The following ZW10 variants were observed in gnomAD, a reference collection of about 807,000 sequenced individuals.
ZW10 encodes centromere/kinetochore protein zw10 homolog.
Under a neutral mutation model 87.8 loss-of-function variants are expected in ZW10, and 53 were observed. The ratio of observed to expected loss-of-function variants is 0.60; its 90% confidence interval spans 0.48 to 0.76. The LOEUF (loss-of-function observed/expected upper bound fraction) is 0.76. ZW10 is among the 30% of genes least tolerant of loss of function. ZW10 has a pLI of 0.00. For missense variants in ZW10, 837 were observed against 923.0 expected (o/e 0.91, Z 1.21); for synonymous variants, 312 against 329.2 (o/e 0.95, Z 0.57).
At chr11:113,751,561 T>A (rs1028510979) in intron 7 of ZW10, among the ~76,000 whole-genome samples, 5 of 152,082 alleles carry the variant, frequency 3.3e-5, no homozygotes, top group African/African-American at 7.2e-5. Context: ...GGGAAAAAAA[T>A]TCAGATTTAT....
intron 7 of ZW10, among the ~76,000 whole-genome samples, chr11:113,755,930 C>T (rs2134885142): frequency 6.6e-6 from 1 of 152,230 alleles, no homozygotes; most frequent in South Asian, 2.1e-4. Context: ...ACTTTTTAGA[C>T]ATAATGCTAT....
intron 7 of ZW10, among the ~76,000 whole-genome samples, chr11:113,752,374 T>C (rs1204889294): frequency 6.6e-6 from 1 of 152,150 alleles, no homozygotes; most frequent in African/African-American, 2.4e-5. Context: ...TAGCCCCCAA[T>C]GTGACTAGAT....
chr11:113,737,519 A>C, intron 14 of ZW10, 53 bp downstream of exon 14: 1 of 1,470,120 alleles, frequency 6.8e-7, no homozygotes, highest in Non-Finnish European at 9.1e-7. Flanking sequence ...CAAAGTCACA[A>C]TCTGGGACAT....
At position 113,733,809 on chromosome 11, in the gene ZW10, G is replaced by C; in HGVS notation, c.2225C>G (p.Ala742Gly). The change falls in exon 16 of 16, where the codon GCA becomes GGA. Residue 742 changes from alanine to glycine, a missense_variant. By Grantham distance (60) the Ala-to-Gly change is moderately conservative. Transcript: ENST00000200135. ...ASLQEIGDRW[A>G]DGKGPLAAAF... is the part of the protein sequence containing the mutation. ...AGCTGCCAGGGGTCCTTTTCCATCT[G>C]CCCACCTGCAAAACGAAAGATAGAG... 1 of 1,598,784 alleles carries C rather than the reference G, an allele frequency of 6.3e-7. No homozygotes were observed. Among genetic ancestry groups the C allele is most frequent in the Non-Finnish European group, 8.5e-7 (1 of 1,172,278 alleles).
intron 1 of ZW10, chr11:113,769,876 G>A: frequency 3.0e-6 from 1 of 328,230 alleles, no homozygotes; most frequent in Non-Finnish European, 5.9e-6. Flanking sequence ...AGCTGATGAT[G>A]TGCCCATCCA....
At chr11:113,757,964 T>C in intron 6 of ZW10, 111 bp from the exon 7 acceptor site, 6 of 820,852 alleles carry the variant, frequency 7.3e-6, no homozygotes, top group Non-Finnish European at 8.8e-6. Flanking sequence ...GGCAGGTGGA[T>C]CATCTGAGGC....
At chr11:113,760,417 C>A in intron 4 of ZW10, 49 bp from the exon 5 acceptor site, 1 of 1,606,236 alleles carries the variant, frequency 6.2e-7, no homozygotes, top group Non-Finnish European at 8.5e-7. Context: ...GGACTCAGGG[C>A]AATTAGAATA....
At chr11:113,754,668 C>T (rs1431404452) in intron 7 of ZW10, among the ~76,000 whole-genome samples, 1 of 152,082 alleles carries the variant, frequency 6.6e-6, no homozygotes, top group Non-Finnish European at 1.5e-5. Flanking sequence ...AGTGCAGTAA[C>T]GTGAACACAG....
intron 2 of ZW10, among the ~76,000 whole-genome samples, chr11:113,762,885 TTG>T (rs550200631): frequency 1.3e-5 from 2 of 152,170 alleles, no homozygotes; most frequent in Non-Finnish European, 2.9e-5. Flanking sequence ...GAAAAGTATT[TTG>T]TGTGTGTTTT....
chr11:113,754,452 T>A (rs1338825935), intron 7 of ZW10, among the ~76,000 whole-genome samples: 2 of 151,796 alleles, frequency 1.3e-5, no homozygotes, highest in Admixed American at 1.3e-4. Context: ...GCCACTATAC[T>A]CCAGCCTGGG....
At chr11:113,738,152 A>G in intron 13 of ZW10, 112 bp downstream of exon 13, 1 of 1,211,998 alleles carries the variant, frequency 8.3e-7, no homozygotes, top group Non-Finnish European at 1.1e-6. Context: ...GTGGGGGTGC[A>G]GGGAATCAAC....
intron 1 of ZW10, 144 bp downstream of exon 1, chr11:113,773,418 G>C (rs958836008): frequency 3.2e-6 from 2 of 633,928 alleles, no homozygotes; most frequent in Admixed American, 3.1e-5. Context: ...TCCTCATTCA[G>C]CCCCCACAAC....
intron 1 of ZW10, among the ~76,000 whole-genome samples, chr11:113,770,894 A>G (rs1953958298): frequency 6.7e-6 from 1 of 150,234 alleles, no homozygotes; most frequent in African/African-American, 2.4e-5. Flanking sequence ...TGCAGGTTCT[A>G]GATGAAGGTT....
chr11:113,736,799 A>G lies in ZW10; in HGVS notation c.2040T>C (p.Asp680=), dbSNP rs61758386. The part of the protein sequence containing the change: ...ALEDISTEDG[D]RLYSLCKTVM... ...CTGTTTTGCATAAGGAATATAACCT[A>G]TCACCATCTTCAGTAGATATGTCCT... Residue 680 remains aspartate, a synonymous_variant, in exon 15 of 16, where the codon GAT becomes GAC. Transcript: ENST00000200135. The G allele has an allele frequency of 1.5e-4, 235 of 1,614,058 alleles. No homozygotes were observed. The highest frequency in any genetic ancestry group is 4.2e-4 in the Admixed American group (25 of 59,998).
rs1406721849 is a variant in ZW10 at position 113,746,513 on chromosome 11, AAAC to A, written c.1272+1015_1272+1017del. On this transcript the variant is annotated intron_variant, in intron 9 of 15. Coordinates refer to ENST00000200135, the MANE Select transcript of ZW10 (RefSeq NM_004724.4). Reference sequence around the variant, plus strand: ...AAACAGTCAAAAAAAAAAAAAAAAAAAACAACAACAAAACTCTACCCTCATGGA... The same window carrying A: ...AAACAGTCAAAAAAAAAAAAAAAAAAAACAACAAAACTCTACCCTCATGGA... 9.5e-3 allele frequency among the ~76,000 whole-genome samples: 1,234 copies of A among 129,656 alleles called. 27 individuals carry two copies. Among genetic ancestry groups the A allele is most frequent in the East Asian group, 0.047 (110 of 2,340 alleles). The allele number at this position is 129,656 out of a possible 152,430, so 85.1% of individuals were successfully genotyped here.
chr11:113,756,200 C>A (rs1468278543), intron 7 of ZW10, among the ~76,000 whole-genome samples: 1 of 151,960 alleles, frequency 6.6e-6, no homozygotes, highest in Non-Finnish European at 1.5e-5. Flanking sequence ...TGCAAATGCA[C>A]AGAGAAAAAG....
At chr11:113,752,262 A>ATG (rs145208653) in intron 7 of ZW10, among the ~76,000 whole-genome samples, 2,899 of 149,136 alleles carry the variant, frequency 0.019, 67 homozygotes, top group African/African-American at 0.056. Flanking sequence ...CATGAACAAG[A>ATG]TGTGTGTGTG....
chr11:113,753,559 C>T (rs1953754525), intron 7 of ZW10, among the ~76,000 whole-genome samples: 2 of 152,112 alleles, frequency 1.3e-5, no homozygotes, highest in Non-Finnish European at 2.9e-5. Context: ...ATGGGTGCCA[C>T]CATGCCCAGC....
chr11:113,748,292 G>A lies in ZW10; in HGVS notation c.1054C>T (p.Pro352Ser). The change falls in exon 8 of 16, where the codon CCA becomes TCA. Residue 352 changes from proline to serine, a missense_variant. Physicochemically the swap from Pro to Ser is moderately conservative, Grantham distance 74. Transcript: ENST00000200135. The part of the protein sequence containing the change: ...LIKNCLVYSI[P>S]TNSSKLQQYE... The stretch of plus-strand genomic sequence containing the variant: ...TGCTGTAATTTGCTGCTATTTGTTG[G>A]AATCGAATAAACCAAACAGTTTTTG... 6.2e-7 allele frequency: 1 copy of A among 1,612,748 alleles called. No individual in the cohort carries two copies. Among genetic ancestry groups the A allele is most frequent in the East Asian group, 2.2e-5 (1 of 44,792 alleles).
Sources: allele counts gnomAD v4.1 joint callset (sites outside exome capture counted in the v4.1 genomes callset), GRCh38; gene constraint gnomAD v4.1.1; transcripts MANE v1.5; gene names NCBI Gene and HGNC (gene_info 2026-07-23, HGNC 2026-07-21).